The following KIAA1328 variants were observed in gnomAD, a reference collection of about 807,000 sequenced individuals.
The protein encoded by KIAA1328 is protein hinderin.
A neutral mutation model predicts 68.1 loss-of-function variants in KIAA1328; 52 were observed. The ratio of observed to expected loss-of-function variants is 0.76; its 90% CI spans 0.61 to 0.96. KIAA1328 has a LOEUF of 0.96. KIAA1328 is among the 40% of genes least tolerant of loss of function. The pLI, the probability that KIAA1328 is intolerant of heterozygous loss-of-function variation, is 0.00. For synonymous variants in KIAA1328, 232 were observed against 239.4 expected, an observed-to-expected ratio of 0.97 and a Z score of 0.28; for missense variants, 641 against 677.6, an observed-to-expected ratio of 0.95 and a Z score of 0.60.
chr18:37,180,097 C>T (rs1388685176), intron 9 of KIAA1328, among the ~76,000 whole-genome samples: 2 of 141,862 alleles, frequency 1.4e-5, no homozygotes, highest in African/African-American at 6.2e-5. Flanking sequence ...CACACACACA[C>T]ACACACACAT....
intron 7 of KIAA1328, among the ~76,000 whole-genome samples, chr18:37,157,972 A>G (rs776275487): frequency 8.5e-5 from 13 of 152,106 alleles, no homozygotes; most frequent in Non-Finnish European, 1.6e-4. Flanking sequence ...TCCTTAAACA[A>G]ATATTCTCAT....
intron 9 of KIAA1328, among the ~76,000 whole-genome samples, chr18:37,219,059 ACAGT>A (rs934241522): frequency 8.5e-5 from 13 of 152,196 alleles, no homozygotes; most frequent in South Asian, 4.2e-4. Context: ...TTTCCTTCTA[ACAGT>A]CAGGTGTCTC....
chr18:37,065,572 C>G (rs552479306), intron 6 of KIAA1328, among the ~76,000 whole-genome samples: 2 of 152,210 alleles, frequency 1.3e-5, no homozygotes, highest in East Asian at 3.9e-4. Flanking sequence ...TTGCTGTGCT[C>G]CAGATCTAAA....
At chr18:37,103,353 G>A (rs553003174) in intron 7 of KIAA1328, among the ~76,000 whole-genome samples, 22 of 152,180 alleles carry the variant, frequency 1.4e-4, no homozygotes, top group South Asian at 8.3e-4. Flanking sequence ...ATAAATCTAC[G>A]TATTTATAGC....
rs563288516 is a variant in KIAA1328, at chr18:37,077,017, C to A, written c.1232+9472C>A. Among the ~76,000 whole-genome samples the A allele has an allele frequency of 6.6e-5, 10 of 152,196 alleles. No homozygotes were observed. In the South Asian group the frequency reaches 1.9e-3, roughly 28 times the overall value. The stretch of plus-strand genomic sequence containing the variant: ...GCATCACCCTGATACCAAAGCCAGG[C>A]AGAGACACAACCAAAAAAGAGAATT... On this transcript the variant is annotated intron_variant, in intron 7 of 9. Coordinates refer to ENST00000280020, the MANE Select transcript of KIAA1328 (RefSeq NM_020776.3).
At chr18:37,119,562 A>G (rs563201053) in intron 7 of KIAA1328, among the ~76,000 whole-genome samples, 1 of 152,204 alleles carries the variant, frequency 6.6e-6, no homozygotes, top group South Asian at 2.1e-4. Context: ...GTGTCTCTCT[A>G]TATAAGAGCA....
intron 4 of KIAA1328, among the ~76,000 whole-genome samples, chr18:36,852,863 A>C (rs192283335): frequency 3.3e-4 from 50 of 152,174 alleles, no homozygotes; most frequent in African/African-American, 1.2e-3. Flanking sequence ...ACACTTTCTT[A>C]TTCTTCTTCT....
chr18:37,038,751 G>A (rs989873791), intron 6 of KIAA1328, among the ~76,000 whole-genome samples: 1 of 151,972 alleles, frequency 6.6e-6, no homozygotes, highest in Non-Finnish European at 1.5e-5. Context: ...ATCAGAAGAC[G>A]TAAGAATACA....
chr18:37,007,491 A>G (rs1348757758), intron 6 of KIAA1328, among the ~76,000 whole-genome samples: 1 of 152,224 alleles, frequency 6.6e-6, no homozygotes, highest in African/African-American at 2.4e-5. Context: ...GAATGCAAGA[A>G]TAAAACAAAT....
At chr18:36,982,506 A>T (rs1428599680) in intron 6 of KIAA1328, among the ~76,000 whole-genome samples, 4 of 152,074 alleles carry the variant, frequency 2.6e-5, no homozygotes, top group South Asian at 2.1e-4. Context: ...AAGTACTTTT[A>T]AAAAAATGTC....
Position 37,035,572 on chromosome 18 carries a change from A to T in KIAA1328, c.577-31318A>T, listed in dbSNP as rs531907535. Among the ~76,000 whole-genome samples, 28 of 152,322 alleles carry T rather than the reference A, an allele frequency of 1.8e-4. No individual in the cohort carries two copies. In the South Asian group the frequency reaches 4.6e-3, roughly 25 times the overall value. ...GAAATATTTTCTATCAAAAGAAATGACCAGTGTGCTTAAATAACACAGCAT... is the reference window on the plus strand; with the variant it reads ...GAAATATTTTCTATCAAAAGAAATGTCCAGTGTGCTTAAATAACACAGCAT... On this transcript the variant is annotated intron_variant, in intron 6 of 9. Transcript: ENST00000280020.
intron 1 of KIAA1328, among the ~76,000 whole-genome samples, chr18:36,830,274 A>G (rs2150744572): frequency 6.6e-6 from 1 of 152,350 alleles, no homozygotes; most frequent in Non-Finnish European, 1.5e-5. Context: ...TAGTGTTTGC[A>G]CTTACTAGAC....
intron 9 of KIAA1328, among the ~76,000 whole-genome samples, chr18:37,178,356 G>A (rs572633990): frequency 3.3e-5 from 5 of 152,130 alleles, no homozygotes; most frequent in South Asian, 2.1e-4. Flanking sequence ...TTTTGTGCCC[G>A]GCTTATTTCA....
chr18:37,141,460 T>A (rs1380345027), intron 7 of KIAA1328, among the ~76,000 whole-genome samples: 2 of 152,206 alleles, frequency 1.3e-5, no homozygotes, highest in East Asian at 3.8e-4. Context: ...TAATTCATTG[T>A]ATAAGTATAT....
At chr18:37,117,492 A>G (rs1391206769) in intron 7 of KIAA1328, among the ~76,000 whole-genome samples, 4 of 152,118 alleles carry the variant, frequency 2.6e-5, no homozygotes, top group Non-Finnish European at 4.4e-5. Context: ...GGGGCCTGTC[A>G]TGGGATTGGG....
At chr18:37,151,454 C>G (rs1006003216) in intron 7 of KIAA1328, among the ~76,000 whole-genome samples, 1 of 152,102 alleles carries the variant, frequency 6.6e-6, no homozygotes, top group African/African-American at 2.4e-5. Context: ...TGTGAAAGGA[C>G]TAGAATAGCA....
chr18:37,160,876 C>T (rs994902461), intron 8 of KIAA1328, among the ~76,000 whole-genome samples: 10 of 152,234 alleles, frequency 6.6e-5, no homozygotes, highest in Admixed American at 5.2e-4. Flanking sequence ...AATAATACTT[C>T]CTGTTATATG....
chr18:37,068,795 T>C (rs1159122860), intron 7 of KIAA1328, among the ~76,000 whole-genome samples: 1 of 152,148 alleles, frequency 6.6e-6, no homozygotes, highest in Non-Finnish European at 1.5e-5. Flanking sequence ...CTTTAATTTT[T>C]TTTTCTTTTG....
intron 5 of KIAA1328, among the ~76,000 whole-genome samples, chr18:36,938,788 A>G (rs1346814004): frequency 1.3e-5 from 2 of 152,152 alleles, no homozygotes. Context: ...GTCTAGTGTC[A>G]TTCTTCTGCA....
Sources: allele counts gnomAD v4.1 joint callset (sites outside exome capture counted in the v4.1 genomes callset), GRCh38; gene constraint gnomAD v4.1.1; transcripts MANE v1.5; gene names NCBI Gene and HGNC (gene_info 2026-07-23, HGNC 2026-07-21).